Variants in YME1L1 observed in about 807,000 individuals in gnomAD.
YME1L1 encodes the protein YME1 like 1 ATPase.
In YME1L1, 39 loss-of-function variants were observed where a neutral mutation model predicts 90.4. The ratio of observed to expected loss-of-function variants is 0.43; its 90% CI spans 0.33 to 0.56. The LOEUF (loss-of-function observed/expected upper bound fraction) is 0.56. YME1L1 is among the 20% of genes least tolerant of loss of function. The pLI is 0.03. For synonymous variants in YME1L1, 284 were observed against 287.3 expected (o/e 0.99, Z 0.12); for missense variants, 617 against 868.4 (o/e 0.71, Z 3.64).
At chr10:27,144,197 CATA>C (rs1384068367) in intron 3 of YME1L1, among the ~76,000 whole-genome samples, 2 of 152,170 alleles carry the variant, frequency 1.3e-5, no homozygotes, top group African/African-American at 2.4e-5. Context: ...TAGGAATAAT[CATA>C]ATAACATAGT....
At chr10:27,131,453 T>C (rs1366325154) in intron 8 of YME1L1, among the ~76,000 whole-genome samples, 1 of 152,230 alleles carries the variant, frequency 6.6e-6, no homozygotes, top group Non-Finnish European at 1.5e-5. Context: ...ATGTTTTAGA[T>C]AGTGGAGTTA....
In YME1L1 at chr10:27,143,462, G is replaced by A. The variant is rs1025409631; in HGVS notation, c.332-977C>T. Reference sequence around the variant, plus strand: ...CGCCTGTAATCCCAGCACTTTGGGAGGCTGAGGCGGGCGGATCACGAGGTC... The same window carrying A: ...CGCCTGTAATCCCAGCACTTTGGGAAGCTGAGGCGGGCGGATCACGAGGTC... On this transcript the variant is annotated intron_variant, in intron 3 of 18. Transcript: ENST00000376016. Among the ~76,000 whole-genome samples, 55 of 152,214 alleles carry A rather than the reference G, an allele frequency of 3.6e-4. 1 individual carries two copies. Among genetic ancestry groups the A allele is most frequent in the Middle Eastern group, 6.8e-3 (2 of 294 alleles).
intron 13 of YME1L1, 33 bp downstream of exon 13, chr10:27,120,402 A>G: frequency 1.3e-6 from 2 of 1,518,348 alleles, no homozygotes; most frequent in African/African-American, 2.7e-5. Flanking sequence ...TTACCACTTT[A>G]CAGAAATGAC....
chr10:27,120,315 A>G (rs773182083), intron 13 of YME1L1, 120 bp downstream of exon 13: 34 of 696,090 alleles, frequency 4.9e-5, no homozygotes, highest in Middle Eastern at 4.1e-4. Flanking sequence ...AATGGAAAAA[A>G]AAAAGACAAA....
chr10:27,138,287 T>C (rs1327587125), intron 4 of YME1L1, among the ~76,000 whole-genome samples: 1 of 152,136 alleles, frequency 6.6e-6, no homozygotes, highest in African/African-American at 2.4e-5. Context: ...AAAATCCCCT[T>C]CATTAGTATT....
In YME1L1 at chr10:27,123,652, G is replaced by A. The variant is rs1461301591; in HGVS notation, c.997C>T (p.Arg333Ter). 6 of 1,613,470 alleles carry A rather than the reference G, an allele frequency of 3.7e-6. No individual in the cohort carries two copies. Among genetic ancestry groups the A allele is most frequent in the Non-Finnish European group, 4.2e-6 (5 of 1,179,736 alleles). ...ACATCAGCTTCTCCCGCCACAGCTC[G>A]GGCAAGAAGTGTCTTTCCAGTCCCT... is the stretch of plus-strand genomic sequence containing the variant. ...PPGTGKTLLA[R>*]AVAGEADVPF... The change falls in exon 10 of 19, where the codon CGA becomes TGA. Residue 333 changes from arginine to a stop codon, truncating the protein, a stop_gained. Transcript: ENST00000376016. LOFTEE classifies it high-confidence loss of function.
rs41282200 is a variant in YME1L1, at chr10:27,111,723, T to C, written c.*254A>G. On this transcript the variant is annotated 3_prime_UTR_variant, in exon 19 of 19. Coordinates refer to ENST00000376016, the MANE Select transcript of YME1L1 (RefSeq NM_014263.4). ...CAACTTAATAACTAATTGACATTCCTCAAAAGAGCTGTTTTCAATCCTGAT... is the reference window on the plus strand; with the variant it reads ...CAACTTAATAACTAATTGACATTCCCCAAAAGAGCTGTTTTCAATCCTGAT... 30,005 of 548,256 alleles carry C rather than the reference T, an allele frequency of 0.055. 1,068 individuals carry two copies. The highest frequency in any genetic ancestry group is 0.07 in the Non-Finnish European group (21,140 of 302,916). The allele number at this position is 548,256 out of a possible 1,614,324, so 34.0% of individuals were successfully genotyped here.
chr10:27,111,790 A>ATGATGAG lies in YME1L1; in HGVS notation c.*186_*187insCTCATCA, dbSNP rs2056761101. On this transcript the variant is annotated 3_prime_UTR_variant, in exon 19 of 19. Transcript: ENST00000376016. ...AAAATATATTTGCCATGGGATGCTA[A>ATGATGAG]TTTGCAATAGGTGTCATAATGAGAA... is the stretch of plus-strand genomic sequence containing the variant. The ATGATGAG allele has an allele frequency of 4.0e-6, 3 of 744,172 alleles. No homozygotes were observed. The Admixed American group carries it at 6.2e-5, about 15-fold the overall frequency. The allele number at this position is 744,172 out of a possible 1,614,324, so 46.1% of individuals were successfully genotyped here. A position where few individuals can be genotyped will look rare whatever the true frequency, so the allele number is the denominator to read the frequency against.
rs753134700 is a variant in YME1L1 at position 27,149,001 on chromosome 10, T to C, written c.73A>G (p.Thr25Ala). Residue 25 changes from threonine (T) to alanine (A), a missense_variant, in exon 2 of 19, where the codon ACA becomes GCA. Around this residue, in one of 4 missense-constraint regions of YME1L1, gnomAD observed 311 missense variants for 335.8 expected, o/e 0.93. Coordinates refer to ENST00000376016, the MANE Select transcript of YME1L1 (RefSeq NM_014263.4). The part of the protein sequence containing the change: ...PLSHLINAFH[T>A]PKNTSVSLSG... Reference sequence around the variant, plus strand: ...AGAGAAACAGAAGTGTTTTTTGGTGTATGGAAGGCATTGATGAGATGACTC... The same window carrying C: ...AGAGAAACAGAAGTGTTTTTTGGTGCATGGAAGGCATTGATGAGATGACTC... The C allele has an allele frequency of 3.1e-6, 5 of 1,613,812 alleles. No individual in the cohort carries two copies. The South Asian group carries it at 5.5e-5, about 18-fold the overall frequency.
chr10:27,120,046 G>A (rs1488626767), intron 13 of YME1L1, among the ~76,000 whole-genome samples: 2 of 152,016 alleles, frequency 1.3e-5, no homozygotes, highest in Admixed American at 6.6e-5. Context: ...AAATTTCCAT[G>A]TGTTTTGTTT....
intron 12 of YME1L1, among the ~76,000 whole-genome samples, chr10:27,120,760 G>A (rs951539427): frequency 2.6e-5 from 4 of 152,128 alleles, no homozygotes; most frequent in African/African-American, 9.7e-5. Flanking sequence ...TTAGATACAC[G>A]TGTGTACCTA....
chr10:27,147,800 G>A (rs747351754), intron 2 of YME1L1: 82 of 1,253,816 alleles, frequency 6.5e-5, no homozygotes, highest in Non-Finnish European at 8.0e-5. Flanking sequence ...GGCTCCTGGC[G>A]TGCACAATGG....
At chr10:27,139,783 A>T (rs1295730279) in intron 4 of YME1L1, among the ~76,000 whole-genome samples, 1 of 152,054 alleles carries the variant, frequency 6.6e-6, no homozygotes, top group Non-Finnish European at 1.5e-5. Context: ...CAATTTTAAA[A>T]CCTTCACATA....
chr10:27,117,572 T>C lies in YME1L1; in HGVS notation c.1719+4A>G. 1 of 1,612,978 alleles carries C rather than the reference T, an allele frequency of 6.2e-7. No homozygotes were observed. The highest frequency in any genetic ancestry group is 8.5e-7 in the Non-Finnish European group (1 of 1,179,696). ...GACAGGGCGAGACACTACAAAAAAC[T>C]TACATGTCCAAGTGTTGGCCCCCGT... On this transcript the variant is annotated splice_donor_region_variant and intron_variant, in intron 15 of 18. Transcript: ENST00000376016.
rs571989017 is a variant in YME1L1, at chr10:27,116,645, A to T, written c.1720-300T>A. Among the ~76,000 whole-genome samples, 3 of 152,256 alleles carry T rather than the reference A, an allele frequency of 2.0e-5. No homozygotes were observed. In the East Asian group the frequency reaches 5.8e-4, roughly 29 times the overall value. ...CATGCCATTGCACTCTAGCCTGGGC[A>T]ACAAGAGTGAAACTCCATCTCAAAA... On this transcript the variant is annotated intron_variant, in intron 15 of 18. Coordinates refer to ENST00000376016, the MANE Select transcript of YME1L1 (RefSeq NM_014263.4).
intron 4 of YME1L1, among the ~76,000 whole-genome samples, chr10:27,138,069 G>T (rs1195827799): frequency 6.6e-6 from 1 of 151,520 alleles, no homozygotes; most frequent in Non-Finnish European, 1.5e-5. Flanking sequence ...TTGGTATGAT[G>T]TAAGAAAAGA....
At chr10:27,151,795 G>A (rs1008295355) in intron 1 of YME1L1, among the ~76,000 whole-genome samples, 1 of 151,886 alleles carries the variant, frequency 6.6e-6, no homozygotes, top group African/African-American at 2.4e-5. Context: ...GCAGGAGAAT[G>A]GCGTGAACCT....
intron 1 of YME1L1, 99 bp downstream of exon 1, chr10:27,154,079 T>C: frequency 1.4e-6 from 2 of 1,463,318 alleles, no homozygotes; most frequent in Non-Finnish European, 1.9e-6. Context: ...ATCACTTCAT[T>C]TCTAGAGTCC....
chr10:27,145,366 G>T, intron 3 of YME1L1, 62 bp downstream of exon 3: 1 of 1,326,654 alleles, frequency 7.5e-7, no homozygotes, highest in Non-Finnish European at 1.0e-6. Context: ...GCTAAGAAAT[G>T]GTATCTATAA....
Sources: allele counts gnomAD v4.1 joint callset (sites outside exome capture counted in the v4.1 genomes callset), GRCh38; gene constraint gnomAD v4.1.1; regional missense constraint gnomAD v4.1.1; transcripts MANE v1.5; gene names NCBI Gene and HGNC (gene_info 2026-07-23, HGNC 2026-07-21).